SOX5: variants seen among roughly 807,000 people sequenced by gnomAD.
The protein encoded by SOX5 is SRY-box transcription factor 5.
Under a neutral mutation model 92.0 loss-of-function variants are expected in SOX5, and 9 were observed. The observed-to-expected ratio is 0.10, with a 90% CI of 0.06 to 0.17. The LOEUF is 0.17. SOX5 is among the 10% of genes least tolerant of loss of function. The probability of loss-of-function intolerance (pLI) is 1.00; values close to 1 mark genes in which losing one functional copy is unlikely to be tolerated. For synonymous variants in SOX5, 344 were observed against 336.3 expected (o/e 1.02, Z -0.25); for missense variants, 642 against 944.5 (o/e 0.68, Z 4.20).
At chr12:23,948,245 CAAAG>C (rs1944943303) in intron 1 of SOX5, among the ~76,000 whole-genome samples, 2 of 151,160 alleles carry the variant, frequency 1.3e-5, no homozygotes, top group Admixed American at 6.6e-5. Flanking sequence ...CAGAAGAAAT[CAAAG>C]AAAGATGACA....
intron 3 of SOX5, among the ~76,000 whole-genome samples, chr12:24,220,933 C>T (rs1186488930): frequency 3.4e-5 from 5 of 148,874 alleles, no homozygotes; most frequent in South Asian, 4.3e-4. Context: ...TATTGTGTTT[C>T]GTGTTAGACA....
intron 4 of SOX5, among the ~76,000 whole-genome samples, chr12:23,971,121 CTTTTTT>C (rs71059953): frequency 5.0e-4 from 43 of 86,228 alleles, no homozygotes; most frequent in Admixed American, 9.6e-4. Flanking sequence ...TGTCAGCTGA[CTTTTTT>C]TTTTTTTTTT....
chr12:23,924,513 A>G (rs1350624329), intron 1 of SOX5, among the ~76,000 whole-genome samples: 1 of 152,182 alleles, frequency 6.6e-6, no homozygotes, highest in Non-Finnish European at 1.5e-5. Flanking sequence ...TTCTATCAGA[A>G]TGTCCTTAGT....
At chr12:24,162,452 A>T (rs1195716443) in intron 4 of SOX5, among the ~76,000 whole-genome samples, 1 of 152,150 alleles carries the variant, frequency 6.6e-6, no homozygotes, top group Non-Finnish European at 1.5e-5. Context: ...CTTTTGGTCC[A>T]TAACTATTGG....
chr12:24,050,638 C>G (rs944517502), intron 4 of SOX5, among the ~76,000 whole-genome samples: 7 of 152,064 alleles, frequency 4.6e-5, no homozygotes, highest in African/African-American at 1.7e-4. Context: ...GAGGTAATGT[C>G]TAGTATACAG....
intron 1 of SOX5, among the ~76,000 whole-genome samples, chr12:24,497,268 A>G (rs987329023): frequency 6.6e-6 from 1 of 152,166 alleles, no homozygotes; most frequent in Non-Finnish European, 1.5e-5. Flanking sequence ...CTACAAGGGG[A>G]AAAAAAGCAG....
At chr12:24,546,916 G>C (rs575936261) in intron 1 of SOX5, among the ~76,000 whole-genome samples, 2 of 152,124 alleles carry the variant, frequency 1.3e-5, no homozygotes, top group African/African-American at 4.8e-5. Context: ...ACTTTGGAAG[G>C]CTTGGACATA....
chr12:23,810,010 T>C (rs2095849612), intron 3 of SOX5, among the ~76,000 whole-genome samples: 1 of 152,268 alleles, frequency 6.6e-6, no homozygotes, highest in African/African-American at 2.4e-5. Context: ...AGAGTTACTC[T>C]AATTTAAAAT....
intron 3 of SOX5, among the ~76,000 whole-genome samples, chr12:23,783,182 G>T (rs2095315640): frequency 6.6e-6 from 1 of 152,066 alleles, no homozygotes. Flanking sequence ...TAGTATATAA[G>T]TTCTAAAGAG....
chr12:24,375,061 C>G (rs1316674229), intron 1 of SOX5, among the ~76,000 whole-genome samples: 1 of 152,130 alleles, frequency 6.6e-6, no homozygotes, highest in Non-Finnish European at 1.5e-5. Context: ...CAAGCTCCAC[C>G]TCCTGGGTTC....
At chr12:24,142,891 C>T (rs116451808) in intron 4 of SOX5, among the ~76,000 whole-genome samples, 7 of 150,522 alleles carry the variant, frequency 4.7e-5, no homozygotes, top group African/African-American at 1.2e-4. Context: ...TTGGGAGATG[C>T]GTAGAGGGCC....
intron 4 of SOX5, among the ~76,000 whole-genome samples, chr12:24,122,864 A>T (rs941139152): frequency 6.6e-6 from 1 of 152,226 alleles, no homozygotes; most frequent in Admixed American, 6.5e-5. Context: ...TGAAGGACAC[A>T]ATGTGATGTT....
chr12:23,964,887 A>G (rs1947360278), intron 4 of SOX5, among the ~76,000 whole-genome samples: 2 of 152,232 alleles, frequency 1.3e-5, no homozygotes, highest in African/African-American at 4.8e-5. Flanking sequence ...ATGACCCATA[A>G]TATCAAAAAG....
chr12:24,512,303 T>C (rs77640339), intron 1 of SOX5, among the ~76,000 whole-genome samples: 1 of 152,348 alleles, frequency 6.6e-6, no homozygotes, highest in East Asian at 1.9e-4. Flanking sequence ...AATAGTAATC[T>C]ACATAATTTA....
intron 4 of SOX5, among the ~76,000 whole-genome samples, chr12:24,001,600 G>T (rs1951616270): frequency 6.6e-6 from 1 of 152,094 alleles, no homozygotes. Context: ...AGAGGCAAAA[G>T]CAAGGTCAGG....
intron 7 of SOX5, among the ~76,000 whole-genome samples, chr12:23,643,066 G>A (rs1045043556): frequency 1.1e-5 from 1 of 91,304 alleles, no homozygotes; most frequent in Admixed American, 1.1e-4. Flanking sequence ...CAGCCTGGGC[G>A]ACAGAGCGAG....
At chr12:24,165,524 G>A (rs1206129109) in intron 4 of SOX5, among the ~76,000 whole-genome samples, 1 of 151,998 alleles carries the variant, frequency 6.6e-6, no homozygotes, top group Non-Finnish European at 1.5e-5. Context: ...TTATTCTAAT[G>A]GATCAAAATA....
At chr12:24,201,410 T>A (rs1445689059) in intron 4 of SOX5, among the ~76,000 whole-genome samples, 1 of 152,136 alleles carries the variant, frequency 6.6e-6, no homozygotes, top group Non-Finnish European at 1.5e-5. Flanking sequence ...CTAGGGAGTT[T>A]CCTGATGCTA....
intron 2 of SOX5, among the ~76,000 whole-genome samples, chr12:23,889,453 G>T (rs559559433): frequency 1.3e-5 from 2 of 152,208 alleles, no homozygotes; most frequent in South Asian, 2.1e-4. Flanking sequence ...ATAACTAACT[G>T]TTAGATTGTA....
Sources: gnomAD v4.1 joint callset for allele counts (sites outside exome capture counted in the v4.1 genomes callset) on GRCh38, gnomAD v4.1.1 for gene constraint, MANE v1.5 for transcripts, NCBI Gene and HGNC (gene_info 2026-07-23, HGNC 2026-07-21) for gene names.